Variants in AKAP13 observed in about 807,000 individuals in gnomAD.
AKAP13 encodes A-kinase anchor protein 13.
Under a neutral mutation model 264.5 loss-of-function variants are expected in AKAP13, and 80 were observed. The ratio of observed to expected loss-of-function variants is 0.30; its 90% confidence interval spans 0.25 to 0.36. AKAP13 has a LOEUF of 0.36. Ranked by LOEUF, AKAP13 falls within the 10% of genes least tolerant of loss-of-function variation. AKAP13 has a pLI of 1.00. For missense variants in AKAP13, 3,712 were observed against 3,435.2 expected, an observed-to-expected ratio of 1.08 and a Z score of -2.01; for synonymous variants, 1,380 against 1,250.2, an observed-to-expected ratio of 1.10 and a Z score of -2.19.
intron 1 of AKAP13, among the ~76,000 whole-genome samples, chr15:85,472,448 T>G (rs1165230471): frequency 6.6e-6 from 1 of 152,220 alleles, no homozygotes. Flanking sequence ...AATAAAACAT[T>G]TAAGAGAAGC....
intron 1 of AKAP13, among the ~76,000 whole-genome samples, chr15:85,472,341 TAA>T (rs770466257): frequency 2.3e-5 from 3 of 133,114 alleles, no homozygotes; most frequent in Non-Finnish European, 3.3e-5. Flanking sequence ...ACCCATCTCT[TAA>T]AAAAAAAAAA....
rs769944997 is a variant in AKAP13, at chr15:85,724,520, G to GAATGAC, written c.6745+1201_6745+1202insATGACA. ...GAGTGGACACCCGGGACTCTCACGT[G>GAATGAC]AGAGAGCAGAGTGAATGACAGGGGA... On this transcript the variant is annotated intron_variant, in intron 26 of 36. Transcript: ENST00000394518. This position sits in a 1 kb window ranked among gnomAD's most constrained non-coding sequence, Gnocchi z 4.2. 6.6e-6 allele frequency among the ~76,000 whole-genome samples: 1 copy of GAATGAC among 151,458 alleles called. No individual in the cohort carries two copies. The highest frequency in any genetic ancestry group is 1.5e-5 in the Non-Finnish European group (1 of 67,906).
rs1038199401 is a variant in AKAP13, at chr15:85,745,658, T to C, written c.*981T>C. Reference sequence around the variant, plus strand: ...CAGCAGCTGTCTGGCCCTTGCTGGGTGAGGGCACACCACTGCCAGGGGTCA... The same window carrying C: ...CAGCAGCTGTCTGGCCCTTGCTGGGCGAGGGCACACCACTGCCAGGGGTCA... On this transcript the variant is annotated 3_prime_UTR_variant, in exon 37 of 37. Transcript: ENST00000394518. The C allele has an allele frequency of 5.9e-5, 9 of 152,088 alleles. No individual in the cohort carries two copies. The highest frequency in any genetic ancestry group is 1.0e-4 in the Non-Finnish European group (7 of 68,018). The allele number at this position is 152,088 out of a possible 1,614,324, so 9.4% of individuals were successfully genotyped here. A position where few individuals can be genotyped will look rare whatever the true frequency, so the allele number is the denominator to read the frequency against.
rs1290731403 is a variant in AKAP13 at position 85,748,296 on chromosome 15, A to C, written c.*3619A>C. 1 of 152,124 alleles carries C rather than the reference A, an allele frequency of 6.6e-6. No homozygotes were observed. The allele number at this position is 152,124 out of a possible 1,614,324, so 9.4% of individuals were successfully genotyped here. On this transcript the variant is annotated 3_prime_UTR_variant, in exon 37 of 37. Transcript: ENST00000394518. Reference sequence around the variant, plus strand: ...TCACAAAGAGGGTGGCTGTGAGGTGACCCCAGACACTGCAGAACGATGTGC... The same window carrying C: ...TCACAAAGAGGGTGGCTGTGAGGTGCCCCCAGACACTGCAGAACGATGTGC...
intron 1 of AKAP13, among the ~76,000 whole-genome samples, chr15:85,467,019 T>C (rs560224085): frequency 6.6e-6 from 1 of 151,974 alleles, no homozygotes; most frequent in Non-Finnish European, 1.5e-5. Context: ...AAATAGTAAT[T>C]TGGAATCACT....
At position 85,579,026 on chromosome 15, in the gene AKAP13, T is replaced by G; in HGVS notation, c.958T>G (p.Cys320Gly). ...AGAGACAGATGGCCAGTTTCTTCCC[T>G]GTGCACCGGAGCCCACGGACCCTCA... is the stretch of plus-strand genomic sequence containing the variant. ...APETDGQFLPCAPEPTDPQRL... is the reference protein window; with the variant it reads ...APETDGQFLPGAPEPTDPQRL... Residue 320 changes from cysteine (C) to glycine (G), a missense_variant, in exon 7 of 37, where the codon TGT (cysteine) becomes GGT (glycine). Around this residue, in one of 3 missense-constraint regions of AKAP13, gnomAD observed 2,759 missense variants for 2,411.7 expected, o/e 1.14. Coordinates refer to ENST00000394518, the MANE Select transcript of AKAP13 (RefSeq NM_007200.5). 1.2e-6 allele frequency: 2 copies of G among 1,614,154 alleles called. No homozygotes were observed. Among genetic ancestry groups the G allele is most frequent in the East Asian group, 4.5e-5 (2 of 44,870 alleles).
At chr15:85,733,957 C>CAGCCTT (rs1457846815) in intron 30 of AKAP13, among the ~76,000 whole-genome samples, 5 of 143,892 alleles carry the variant, frequency 3.5e-5, no homozygotes, top group Non-Finnish European at 7.5e-5. Context: ...GGCTCAGCCT[C>CAGCCTT]AGCCTCCTGA....
At chr15:85,440,615 A>C (rs2073597960) in intron 1 of AKAP13, among the ~76,000 whole-genome samples, 1 of 152,204 alleles carries the variant, frequency 6.6e-6, no homozygotes, top group South Asian at 2.1e-4. Context: ...TTTTCACCTG[A>C]GGTCATTCAG....
chr15:85,427,595 A>G (rs755330417), intron 1 of AKAP13, among the ~76,000 whole-genome samples: 3 of 152,204 alleles, frequency 2.0e-5, no homozygotes, highest in Non-Finnish European at 4.4e-5. Flanking sequence ...TTAAAACTGG[A>G]AGAAACCGTT....
intron 8 of AKAP13, among the ~76,000 whole-genome samples, chr15:85,603,294 G>A (rs1222737173): frequency 2.0e-5 from 3 of 152,218 alleles, no homozygotes; most frequent in Admixed American, 1.3e-4. Flanking sequence ...AAAAAGGTGT[G>A]TACTCAGAGT....
intron 16 of AKAP13, among the ~76,000 whole-genome samples, chr15:85,687,304 A>G (rs2084993569): frequency 6.6e-6 from 1 of 152,210 alleles, no homozygotes; most frequent in African/African-American, 2.4e-5. Flanking sequence ...ATGTTACTAT[A>G]CAGCGTAATT....
Position 85,579,032 on chromosome 15 carries a change from C to A in AKAP13, c.964C>A (p.Pro322Thr). ...AGATGGCCAGTTTCTTCCCTGTGCA[C>A]CGGAGCCCACGGACCCTCAGCGACT... ...ETDGQFLPCAPEPTDPQRLSS... is the reference protein window; with the variant it reads ...ETDGQFLPCATEPTDPQRLSS... The change falls in exon 7 of 37, where the codon CCG becomes ACG. Residue 322 changes from proline to threonine, a missense_variant. Coordinates refer to ENST00000394518, the MANE Select transcript of AKAP13 (RefSeq NM_007200.5). The A allele has an allele frequency of 6.2e-7, 1 of 1,614,140 alleles. No homozygotes were observed. Among genetic ancestry groups the A allele is most frequent in the Non-Finnish European group, 8.5e-7 (1 of 1,180,036 alleles).
chr15:85,456,553 T>G (rs918410082), intron 1 of AKAP13, among the ~76,000 whole-genome samples: 42 of 144,996 alleles, frequency 2.9e-4, no homozygotes, highest in African/African-American at 1.0e-3. Flanking sequence ...ACTTTCTGTT[T>G]TTTTTTTTTT....
At chr15:85,477,024 A>G (rs1444275136) in intron 1 of AKAP13, among the ~76,000 whole-genome samples, 1 of 152,064 alleles carries the variant, frequency 6.6e-6, no homozygotes, top group East Asian at 1.9e-4. Flanking sequence ...ATGTGTTCCC[A>G]AAACTGTGAT....
At chr15:85,415,308 G>C in intron 1 of AKAP13, 1 of 1,575,726 alleles carries the variant, frequency 6.3e-7, no homozygotes, top group Non-Finnish European at 8.7e-7. Context: ...GGAGCTAGGA[G>C]TGGGAATAGC....
intron 7 of AKAP13, 120 bp downstream of exon 7, chr15:85,582,227 A>G (rs116642160): frequency 1.8e-6 from 2 of 1,133,018 alleles, no homozygotes; most frequent in Admixed American, 2.9e-5. Flanking sequence ...CTCATTGGGT[A>G]GGTAGCCAAG....
chr15:85,682,362 G>A (rs2084645268), intron 15 of AKAP13, 150 bp downstream of exon 15: 6 of 783,230 alleles, frequency 7.7e-6, no homozygotes, highest in Non-Finnish European at 4.0e-6. Context: ...AAGTGGTTTT[G>A]TCATGAAGGC....
intron 8 of AKAP13, 23 bp from the exon 9 acceptor site, chr15:85,639,349 ACT>A (rs1247407838): frequency 1.9e-6 from 3 of 1,545,668 alleles, no homozygotes; most frequent in East Asian, 4.5e-5. Flanking sequence ...AATGTCTGAA[ACT>A]CTGTGTTTTC....
chr15:85,415,369 A>G, intron 1 of AKAP13: 1 of 1,593,754 alleles, frequency 6.3e-7, no homozygotes, highest in South Asian at 1.1e-5. Flanking sequence ...ATCACTTGTG[A>G]TGGCAAAAAC....
Sources: gnomAD v4.1 joint callset for allele counts (sites outside exome capture counted in the v4.1 genomes callset) on GRCh38, gnomAD v4.1.1 for gene constraint, gnomAD v4.1.1 regional missense constraint, Gnocchi (gnomAD v3.1) non-coding constraint, MANE v1.5 for transcripts, NCBI Gene and HGNC (gene_info 2026-07-23, HGNC 2026-07-21) for gene names.